The following FNBP1 variants were observed in gnomAD, a reference collection of about 807,000 sequenced individuals.
FNBP1 encodes the protein formin-binding protein 1.
In FNBP1, 26 loss-of-function variants were observed where a neutral mutation model predicts 90.6. That is an observed-to-expected ratio of 0.29 (90% CI 0.21 to 0.40). FNBP1 has a LOEUF of 0.40. Ranked by LOEUF, FNBP1 falls within the 10% of genes least tolerant of loss-of-function variation. FNBP1 has a pLI of 1.00. For synonymous variants in FNBP1, 260 were observed against 265.2 expected, an observed-to-expected ratio of 0.98 and a Z score of 0.19; for missense variants, 635 against 768.0, an observed-to-expected ratio of 0.83 and a Z score of 2.05.
intron 6 of FNBP1, among the ~76,000 whole-genome samples, chr9:129,950,465 G>A (rs927513794): frequency 1.1e-4 from 16 of 152,144 alleles, no homozygotes; most frequent in Non-Finnish European, 2.1e-4. Context: ...CAAGTTAAAA[G>A]TCCTAAAATC....
chr9:129,925,196 G>A, intron 8 of FNBP1, 39 bp from the exon 9 acceptor site: 1 of 1,518,008 alleles, frequency 6.6e-7, no homozygotes, highest in Non-Finnish European at 9.1e-7. Flanking sequence ...ACATTCAGAA[G>A]CATGCAAACA....
intron 1 of FNBP1, among the ~76,000 whole-genome samples, chr9:130,037,129 G>A (rs2059393361): frequency 6.6e-6 from 1 of 151,910 alleles, no homozygotes; most frequent in Admixed American, 6.6e-5. Flanking sequence ...GGCAGAGGCA[G>A]GCAGATCACT....
At chr9:129,902,717 G>A (rs1366466889) in intron 13 of FNBP1, among the ~76,000 whole-genome samples, 152 bp downstream of exon 13, 2 of 152,170 alleles carry the variant, frequency 1.3e-5, no homozygotes, top group Non-Finnish European at 2.9e-5. Flanking sequence ...GGCGAAGAGT[G>A]TATTTTTCCT....
At chr9:129,994,405 G>T (rs549728801) in intron 2 of FNBP1, among the ~76,000 whole-genome samples, 9 of 152,144 alleles carry the variant, frequency 5.9e-5, no homozygotes, top group Middle Eastern at 3.4e-3. Flanking sequence ...GTTACCGCTG[G>T]GGGGAGAGTG....
the FNBP1 span, among the ~76,000 whole-genome samples, chr9:130,048,314 C>CAAAAAAAAAAAAAAAAAAAAAAAAAAAA: frequency 2.0e-5 from 1 of 50,716 alleles, no homozygotes; most frequent in Non-Finnish European, 3.2e-5. Flanking sequence ...GACTCCATCT[C>CAAAAAAAAAAAAAAAAAAAAAAAAAAAA]AAAAAAAAAA....
At chr9:130,048,491 C>CTT in the FNBP1 span, among the ~76,000 whole-genome samples, 35 of 105,086 alleles carry the variant, frequency 3.3e-4, 1 homozygote, top group East Asian at 1.1e-3. Context: ...CCTCAGTTTC[C>CTT]TTTTTTTTTT....
At chr9:129,905,808 T>C (rs530964078) in intron 12 of FNBP1, among the ~76,000 whole-genome samples, 29 of 152,200 alleles carry the variant, frequency 1.9e-4, no homozygotes, top group Non-Finnish European at 2.9e-4. Context: ...AAAGTTCAAT[T>C]CTATTTCATA....
At chr9:129,927,379 A>G (rs1382060973) in intron 7 of FNBP1, 38 bp from the exon 8 acceptor site, 3 of 1,591,062 alleles carry the variant, frequency 1.9e-6, no homozygotes, top group Non-Finnish European at 2.6e-6. Context: ...AGTTTGGTCC[A>G]TTATTATTAA....
intron 4 of FNBP1, among the ~76,000 whole-genome samples, chr9:129,968,510 T>C (rs528393523): frequency 6.6e-6 from 1 of 152,264 alleles, no homozygotes; most frequent in Admixed American, 6.5e-5. Flanking sequence ...TTTGCTGTCA[T>C]CTCTTATAAC....
intron 1 of FNBP1, among the ~76,000 whole-genome samples, chr9:130,039,198 T>C (rs1419303616): frequency 6.6e-6 from 1 of 152,242 alleles, no homozygotes; most frequent in Non-Finnish European, 1.5e-5. Flanking sequence ...AAACCTACTT[T>C]CTATGCTTCC....
At position 129,887,335 on chromosome 9, in the gene FNBP1, C is replaced by T; in HGVS notation, c.*3204G>A. ...CTTTACAGTGGCGATCGGCCTCACA[C>T]AGCAAAATGCCTCCAAAGTTTAGAA... On this transcript the variant is annotated 3_prime_UTR_variant, in exon 17 of 17. Coordinates refer to ENST00000446176, the MANE Select transcript of FNBP1 (RefSeq NM_015033.3). 5.0e-6 allele frequency: 1 copy of T among 198,910 alleles called. No homozygotes were observed. Among genetic ancestry groups the T allele is most frequent in the African/African-American group, 2.3e-5 (1 of 43,510 alleles). The allele number at this position is 198,910 out of a possible 1,614,324, so 12.3% of individuals were successfully genotyped here.
intron 1 of FNBP1, among the ~76,000 whole-genome samples, chr9:130,001,806 C>T (rs2054894451): frequency 1.3e-5 from 2 of 151,742 alleles, no homozygotes; most frequent in African/African-American, 4.8e-5. Context: ...GGCAGATCAC[C>T]TGAGGTCAGG....
intron 2 of FNBP1, among the ~76,000 whole-genome samples, chr9:129,994,032 T>G (rs1436114546): frequency 6.6e-6 from 1 of 152,180 alleles, no homozygotes; most frequent in East Asian, 1.9e-4. Flanking sequence ...CCACCAAAGC[T>G]AAGCATATGA....
Position 129,887,786 on chromosome 9 carries a change from A to G in FNBP1, c.*2753T>C, listed in dbSNP as rs2034838180. On this transcript the variant is annotated 3_prime_UTR_variant, in exon 17 of 17. Coordinates refer to ENST00000446176, the MANE Select transcript of FNBP1 (RefSeq NM_015033.3). ...AGGGCAGGTTCTTTTAAAATTAGTC[A>G]TCTTACAACACAACAGTATTCTAGC... The G allele has an allele frequency of 4.4e-6, 1 of 228,996 alleles. No homozygotes were observed. The highest frequency in any genetic ancestry group is 2.2e-5 in the African/African-American group (1 of 45,086). 14.2% of individuals were successfully genotyped at this position (228,996 alleles called of 1,614,324 possible).
At chr9:130,015,472 C>G (rs2057132109) in intron 1 of FNBP1, among the ~76,000 whole-genome samples, 1 of 152,098 alleles carries the variant, frequency 6.6e-6, no homozygotes, top group Non-Finnish European at 1.5e-5. Flanking sequence ...AAGAGGCCAG[C>G]AGTACCAAGC....
chr9:129,979,715 T>C (rs968862714), intron 2 of FNBP1, among the ~76,000 whole-genome samples: 2 of 152,004 alleles, frequency 1.3e-5, no homozygotes, highest in African/African-American at 4.8e-5. Flanking sequence ...TCTCAGCTCA[T>C]TGCAACTTCT....
chr9:129,924,228 C>T (rs2041545578), intron 9 of FNBP1, among the ~76,000 whole-genome samples: 1 of 152,070 alleles, frequency 6.6e-6, no homozygotes, highest in Non-Finnish European at 1.5e-5. Flanking sequence ...GTAAGTAATG[C>T]GACAGAAGAG....
chr9:130,008,509 TG>T (rs2056121466), intron 1 of FNBP1, among the ~76,000 whole-genome samples: 1 of 152,176 alleles, frequency 6.6e-6, no homozygotes, highest in African/African-American at 2.4e-5. Flanking sequence ...TAACTGTGTT[TG>T]GCTGCATCAA....
intron 16 of FNBP1, chr9:129,895,523 T>C (rs1006039625): frequency 1.7e-6 from 2 of 1,209,818 alleles, no homozygotes; most frequent in African/African-American, 1.6e-5. Context: ...AATGCAACTT[T>C]TTTTTTAATC....
Sources: gnomAD v4.1 joint callset for allele counts (sites outside exome capture counted in the v4.1 genomes callset) on GRCh38, gnomAD v4.1.1 for gene constraint, MANE v1.5 for transcripts, NCBI Gene and HGNC (gene_info 2026-07-23, HGNC 2026-07-21) for gene names.